DNA2: variants seen among roughly 807,000 people sequenced by gnomAD.
DNA2 encodes the protein DNA replication ATP-dependent helicase/nuclease DNA2.
In DNA2, 101 loss-of-function variants were observed where a neutral mutation model predicts 119.1. That is an observed-to-expected ratio of 0.85 (90% CI 0.72 to 1.00). The LOEUF is 1.00. DNA2 is among the 50% of genes least tolerant of loss of function. DNA2 has a pLI of 0.00. For synonymous variants in DNA2, 366 were observed against 424.4 expected (o/e 0.86, Z 1.69); for missense variants, 1,121 against 1,255.5 (o/e 0.89, Z 1.62).
chr10:68,456,023 G>C (rs1340121200), intron 5 of DNA2, among the ~76,000 whole-genome samples: 1 of 151,980 alleles, frequency 6.6e-6, no homozygotes, highest in Non-Finnish European at 1.5e-5. Flanking sequence ...TTCGAGACTA[G>C]CCATCCTGGG....
chr10:68,421,786 G>A (rs899877615), intron 17 of DNA2, among the ~76,000 whole-genome samples: 1 of 151,546 alleles, frequency 6.6e-6, no homozygotes, highest in Non-Finnish European at 1.5e-5. Context: ...ACTATTTTGG[G>A]TTGAAGTATG....
intron 4 of DNA2, among the ~76,000 whole-genome samples, chr10:68,460,851 C>A (rs559454930): frequency 7.3e-5 from 11 of 151,448 alleles, no homozygotes; most frequent in African/African-American, 2.7e-4. Context: ...TTTGAGGTTA[C>A]GTGACCTGTG....
At chr10:68,460,903 C>G (rs1564896028) in intron 4 of DNA2, among the ~76,000 whole-genome samples, 1 of 136,120 alleles carries the variant, frequency 7.3e-6, no homozygotes, top group Non-Finnish European at 1.5e-5. Flanking sequence ...GAGTGAGACC[C>G]TGTTTAAAAA....
At chr10:68,464,486 C>A (rs1275468134) in intron 4 of DNA2, among the ~76,000 whole-genome samples, 1 of 150,284 alleles carries the variant, frequency 6.7e-6, no homozygotes, top group Admixed American at 6.6e-5. Context: ...CCGCACTCCA[C>A]CTTGGGTGAC....
intron 8 of DNA2, among the ~76,000 whole-genome samples, chr10:68,444,086 A>G (rs2052005481): frequency 6.6e-6 from 1 of 151,776 alleles, no homozygotes; most frequent in Non-Finnish European, 1.5e-5. Context: ...GTGAAACCCT[A>G]TCTGTATTAA....
chr10:68,458,295 G>GC (rs1247062133), intron 5 of DNA2, among the ~76,000 whole-genome samples: 2 of 152,260 alleles, frequency 1.3e-5, no homozygotes, highest in African/African-American at 4.8e-5. Flanking sequence ...ACTTTGGTAG[G>GC]CCAAGGTGTG....
chr10:68,419,998 G>T, intron 17 of DNA2, 106 bp from the exon 18 acceptor site: 1 of 855,916 alleles, frequency 1.2e-6, no homozygotes, highest in Non-Finnish European at 1.9e-6. Flanking sequence ...ATGAAAAATA[G>T]CTTTGTCTAA....
chr10:68,456,795 G>T (rs2052187738), intron 5 of DNA2, among the ~76,000 whole-genome samples: 1 of 151,442 alleles, frequency 6.6e-6, no homozygotes, highest in African/African-American at 2.4e-5. Flanking sequence ...TAGTATACAT[G>T]GAAGTCGTGC....
chr10:68,443,243 T>A (rs1459073028), intron 8 of DNA2, 132 bp from the exon 9 acceptor site: 1 of 770,528 alleles, frequency 1.3e-6, no homozygotes, highest in East Asian at 2.9e-5. Context: ...CTAATGTTCC[T>A]TAAAAGTCAT....
chr10:68,419,484 C>T lies in DNA2; in HGVS notation c.2788-271G>A, dbSNP rs2051637824. 1.5e-5 allele frequency: 8 copies of T among 522,782 alleles called. No homozygotes were observed. In the South Asian group the frequency reaches 2.1e-4, roughly 14 times the overall value. The allele number at this position is 522,782 out of a possible 1,614,324, so 32.4% of individuals were successfully genotyped here. A position where few individuals can be genotyped will look rare whatever the true frequency, so the allele number is the denominator to read the frequency against. Reference sequence around the variant, plus strand: ...CTAAAACAGTGCACACACACACACACACAGTACAAAGAAATACATTTCACC... The same window carrying T: ...CTAAAACAGTGCACACACACACACATACAGTACAAAGAAATACATTTCACC... On this transcript the variant is annotated intron_variant, in intron 18 of 20. Transcript: ENST00000358410.
At chr10:68,465,641 C>G in intron 4 of DNA2, 26 bp downstream of exon 4, 1 of 1,506,178 alleles carries the variant, frequency 6.6e-7, no homozygotes, top group Admixed American at 2.0e-5. Context: ...AAAATTATAC[C>G]TGCAGTTCTT....
intron 1 of DNA2, chr10:68,470,757 GA>G: frequency 3.0e-6 from 1 of 329,550 alleles, no homozygotes; most frequent in Non-Finnish European, 6.0e-6. Flanking sequence ...TTATGTTACG[GA>G]AAAGGGTATT....
intron 13 of DNA2, among the ~76,000 whole-genome samples, chr10:68,430,940 C>T (rs1467971053): frequency 6.6e-6 from 1 of 152,008 alleles, no homozygotes; most frequent in Admixed American, 6.6e-5. Flanking sequence ...TCAAGACTTG[C>T]CTGGGCAACA....
Position 68,460,030 on chromosome 10 carries a change from T to TACACACACACACAAACAC in DNA2, c.588-796_588-795insGTGTTTGTGTGTGTGTGT, listed in dbSNP as rs1554909245. Among the ~76,000 whole-genome samples, 148 of 145,700 alleles carry TACACACACACACAAACAC rather than the reference T, an allele frequency of 1.0e-3. 1 individual carries two copies. The highest frequency in any genetic ancestry group is 3.5e-3 in the African/African-American group (136 of 39,350). ...CAAGAGAGCAAGACTCCATCACAAATACACACACACACACACACACACACA... is the reference window on the plus strand; with the variant it reads ...CAAGAGAGCAAGACTCCATCACAAATACACACACACACAAACACACACACACACACACACACACACACA... On this transcript the variant is annotated intron_variant, in intron 4 of 20. Coordinates refer to ENST00000358410, the MANE Select transcript of DNA2 (RefSeq NM_001080449.3).
chr10:68,465,806 C>T lies in DNA2; in HGVS notation c.448G>A (p.Asp150Asn). 1 of 1,547,078 alleles carries T rather than the reference C, an allele frequency of 6.5e-7. No homozygotes were observed. ...ATTAGCATTTGGCGTGTGGCTGGAT[C>T]AGAGCTCTACAAAAGCAAATCACAC... The part of the protein sequence containing the change: ...AVLSETFRSS[D>N]PATRQMLIGT... Residue 150 changes from aspartate (D) to asparagine (N), a missense_variant, in exon 4 of 21, where the codon GAT (aspartate) becomes AAT (asparagine). Physicochemically the swap from Asp to Asn is conservative, Grantham distance 23. Coordinates refer to ENST00000358410, the MANE Select transcript of DNA2 (RefSeq NM_001080449.3).
chr10:68,418,970 G>A, intron 19 of DNA2, 64 bp downstream of exon 19: 4 of 1,475,396 alleles, frequency 2.7e-6, no homozygotes, highest in Non-Finnish European at 3.6e-6. Context: ...ACCGCGCCCG[G>A]CCCACAATTT....
intron 4 of DNA2, among the ~76,000 whole-genome samples, chr10:68,464,999 A>G (rs968699438): frequency 3.9e-4 from 59 of 151,312 alleles, no homozygotes; most frequent in Non-Finnish European, 7.7e-4. Context: ...CCTCCAAAAA[A>G]AAAATACTGT....
At chr10:68,452,523 G>A (rs1360039124) in intron 5 of DNA2, among the ~76,000 whole-genome samples, 1 of 151,878 alleles carries the variant, frequency 6.6e-6, no homozygotes, top group Non-Finnish European at 1.5e-5. Flanking sequence ...AACTTTTAAA[G>A]TTGTTACTAA....
At chr10:68,442,700 A>C (rs1415398352) in intron 9 of DNA2, among the ~76,000 whole-genome samples, 2 of 152,232 alleles carry the variant, frequency 1.3e-5, no homozygotes, top group African/African-American at 2.4e-5. Context: ...AGTCTACTGA[A>C]ACTATATTAC....
Sources: gnomAD v4.1 joint callset for allele counts (sites outside exome capture counted in the v4.1 genomes callset) on GRCh38, gnomAD v4.1.1 for gene constraint, MANE v1.5 for transcripts, NCBI Gene and HGNC (gene_info 2026-07-23, HGNC 2026-07-21) for gene names.